Variants in CTSB observed in about 807,000 individuals in gnomAD.
CTSB encodes APP secretase.
A neutral mutation model predicts 44.3 loss-of-function variants in CTSB; 57 were observed. That is an observed-to-expected ratio of 1.29 (90% CI 1.04 to 1.60). The LOEUF is 1.60. Ranked by LOEUF, CTSB falls within the 40% of genes most tolerant of loss-of-function variation. The probability of loss-of-function intolerance (pLI) is 0.00; values close to 1 mark genes in which losing one functional copy is unlikely to be tolerated. For missense variants in CTSB, 768 were observed against 443.0 expected (o/e 1.73, Z -6.59); for synonymous variants, 320 against 168.0 (o/e 1.91, Z -7.00).
rs116392987 is a variant in CTSB at position 11,856,226 on chromosome 8, C to T, written c.-25-2747G>A. ...CAACCACCGAGACATCAACCAGCAA[C>T]GCCCACCAGTTTCTAAATCTGCATG... On this transcript the variant is annotated intron_variant, in intron 1 of 9. Coordinates refer to ENST00000353047, the MANE Select transcript of CTSB (RefSeq NM_001908.5). 2.4e-3 allele frequency among the ~76,000 whole-genome samples: 362 copies of T among 152,152 alleles called. 2 individuals carry two copies. The highest frequency in any genetic ancestry group is 8.4e-3 in the African/African-American group (350 of 41,506).
chr8:11,846,568 C>G (rs996659182), intron 8 of CTSB, among the ~76,000 whole-genome samples: 1 of 152,200 alleles, frequency 6.6e-6, no homozygotes, highest in Non-Finnish European at 1.5e-5. Flanking sequence ...CTACCCAGGG[C>G]AAGGTCCTCC....
intron 4 of CTSB, 67 bp from the exon 5 acceptor site, chr8:11,849,231 C>T (rs1814070632): frequency 7.8e-7 from 1 of 1,286,210 alleles, no homozygotes; most frequent in Non-Finnish European, 1.1e-6. Flanking sequence ...GCAGTCCCCT[C>T]AAAGGGCCAC....
chr8:11,858,174 C>T (rs1563422598), intron 1 of CTSB, among the ~76,000 whole-genome samples: 1 of 152,244 alleles, frequency 6.6e-6, no homozygotes, highest in Non-Finnish European at 1.5e-5. Flanking sequence ...GTAGGAAGGG[C>T]ACTCGCTCCA....
intron 4 of CTSB, 122 bp from the exon 5 acceptor site, chr8:11,849,286 G>GAGCGTCCCCTGGTGTTGA: frequency 1.5e-6 from 1 of 666,118 alleles, no homozygotes; most frequent in Non-Finnish European, 2.6e-6. Context: ...TCAACACCAG[G>GAGCGTCCCCTGGTGTTGA]GGACGCTCCT....
intron 1 of CTSB, among the ~76,000 whole-genome samples, chr8:11,861,107 G>C (rs1229376633): frequency 6.6e-6 from 1 of 152,194 alleles, no homozygotes; most frequent in Non-Finnish European, 1.5e-5. Context: ...CTTGGCTTAT[G>C]ATTAAATTAA....
chr8:11,845,276 G>A (rs878943118), intron 9 of CTSB, 54 bp from the exon 10 acceptor site: 2 of 1,351,092 alleles, frequency 1.5e-6, no homozygotes, highest in Middle Eastern at 3.6e-4. Flanking sequence ...AACCAATATA[G>A]TCAGACTCAT....
intron 1 of CTSB, among the ~76,000 whole-genome samples, chr8:11,857,119 G>A (rs1385120800): frequency 1.3e-5 from 2 of 152,170 alleles, no homozygotes; most frequent in South Asian, 2.1e-4. Context: ...TACCTCCCAG[G>A]TTCAAGTGAT....
intron 1 of CTSB, among the ~76,000 whole-genome samples, chr8:11,866,927 C>G (rs530833108): frequency 2.7e-4 from 41 of 152,292 alleles, no homozygotes; most frequent in African/African-American, 9.4e-4. Flanking sequence ...GCTATCCTCT[C>G]CTCCGGCAGC....
intron 3 of CTSB, among the ~76,000 whole-genome samples, chr8:11,852,394 C>G (rs1814751631): frequency 6.6e-6 from 1 of 152,080 alleles, no homozygotes; most frequent in Non-Finnish European, 1.5e-5. Flanking sequence ...GCACCAGCAT[C>G]TTCTCTACTA....
At chr8:11,845,597 C>CGAGATGG in intron 9 of CTSB, 64 bp downstream of exon 9, 1 of 1,571,798 alleles carries the variant, frequency 6.4e-7, no homozygotes, top group Non-Finnish European at 8.7e-7. Context: ...CAGAGAAAGC[C>CGAGATGG]GAGATGGCCA....
rs540555007 is a variant in CTSB at position 11,853,227 on chromosome 8, T to C, written c.126+102A>G. 39 of 1,500,198 alleles carry C rather than the reference T, an allele frequency of 2.6e-5. No individual in the cohort carries two copies. The African/African-American group carries it at 4.1e-4, about 16-fold the overall frequency. 92.9% of individuals were successfully genotyped at this position (1,500,198 alleles called of 1,614,324 possible). A position where few individuals can be genotyped will look rare whatever the true frequency, so the allele number is the denominator to read the frequency against. ...GCCATTTTTCAACAGTCCAGGACAA[T>C]GTTCTGTGGGCCACAGTGAGGGCTG... On this transcript the variant is annotated intron_variant, in intron 2 of 9. Coordinates refer to ENST00000353047, the MANE Select transcript of CTSB (RefSeq NM_001908.5).
chr8:11,851,507 C>G (rs1005506490), intron 3 of CTSB, among the ~76,000 whole-genome samples: 3 of 151,444 alleles, frequency 2.0e-5, no homozygotes, highest in African/African-American at 4.9e-5. Context: ...CGATATTGTA[C>G]GCTTCTTTCT....
In CTSB at chr8:11,853,254, C is replaced by T. The variant is rs115215483; in HGVS notation, c.126+75G>A. 346 of 1,571,358 alleles carry T rather than the reference C, an allele frequency of 2.2e-4. 1 individual carries two copies. In the African/African-American group the frequency reaches 4.1e-3, roughly 19 times the overall value. ...TTCTGTGGGCCACAGTGAGGGCTGGCTTCCCATTCCTGGAGTCAGTGTGCA... is the reference window on the plus strand; with the variant it reads ...TTCTGTGGGCCACAGTGAGGGCTGGTTTCCCATTCCTGGAGTCAGTGTGCA... On this transcript the variant is annotated intron_variant, in intron 2 of 9. Transcript: ENST00000353047.
At chr8:11,863,611 A>C (rs1816723038) in intron 1 of CTSB, among the ~76,000 whole-genome samples, 1 of 152,234 alleles carries the variant, frequency 6.6e-6, no homozygotes, top group African/African-American at 2.4e-5. Flanking sequence ...CTTGAGCAGT[A>C]TGATGTAAAA....
intron 1 of CTSB, among the ~76,000 whole-genome samples, chr8:11,862,777 G>T (rs541629599): frequency 1.3e-5 from 2 of 152,376 alleles, no homozygotes; most frequent in African/African-American, 4.8e-5. Flanking sequence ...CACGTCAGAG[G>T]GTCATGAGAC....
Position 11,847,795 on chromosome 8 carries a change from C to T in CTSB, c.560G>A (p.Cys187Tyr), listed in dbSNP as rs974065151. Residue 187 changes from cysteine to tyrosine, a missense_variant, in exon 7 of 10, where the codon TGT becomes TAT. By Grantham distance (194) the Cys-to-Tyr change is radical. Transcript: ENST00000353047. ...CCGGGAGCCGTTGACGTGGTGCTCA[C>T]AGGGAGGGATGGAGTACGGTCTGCA... ...VGCRPYSIPP[C>Y]EHHVNGSRPP... 1.9e-6 allele frequency: 3 copies of T among 1,598,958 alleles called. No homozygotes were observed. Among genetic ancestry groups the T allele is most frequent in the Non-Finnish European group, 2.6e-6 (3 of 1,175,852 alleles).
intron 5 of CTSB, 135 bp from the exon 6 acceptor site, chr8:11,848,287 C>G (rs1179325815): frequency 1.3e-6 from 1 of 764,624 alleles, no homozygotes; most frequent in African/African-American, 1.7e-5. Context: ...GCAGACCTCC[C>G]AGACCCCAAA....
chr8:11,847,905 C>T, intron 6 of CTSB, 83 bp from the exon 7 acceptor site: 2 of 1,452,078 alleles, frequency 1.4e-6, no homozygotes, highest in Non-Finnish European at 1.9e-6. Flanking sequence ...GTGCCTGCAG[C>T]ATGGACGCCA....
intron 4 of CTSB, chr8:11,849,371 C>A: frequency 2.5e-6 from 1 of 399,912 alleles, no homozygotes; most frequent in East Asian, 4.6e-5. Context: ...GTCTTGAACT[C>A]CCGGGTTCAA....
Sources: gnomAD v4.1 joint callset for allele counts (sites outside exome capture counted in the v4.1 genomes callset) on GRCh38, gnomAD v4.1.1 for gene constraint, MANE v1.5 for transcripts, NCBI Gene and HGNC (gene_info 2026-07-23, HGNC 2026-07-21) for gene names.